AGBL1: variants seen among roughly 807,000 people sequenced by gnomAD.
AGBL1 encodes cytosolic carboxypeptidase 4.
AGBL1 carries 130 observed loss-of-function variants against 118.9 expected under a neutral mutation model. The observed-to-expected ratio is 1.09, with a 90% CI of 0.95 to 1.26. The LOEUF is 1.26. Ranked by LOEUF, AGBL1 falls within the 50% of genes most tolerant of loss-of-function variation. AGBL1 has a pLI of 0.00. For synonymous variants in AGBL1, 555 were observed against 478.9 expected (o/e 1.16, Z -2.08); for missense variants, 1,584 against 1,298.1 (o/e 1.22, Z -3.38).
chr15:86,330,331 C>T (rs1413217078), intron 17 of AGBL1, among the ~76,000 whole-genome samples: 8 of 152,144 alleles, frequency 5.3e-5, no homozygotes, highest in African/African-American at 1.4e-4. Context: ...AACCTGCCGA[C>T]AGATGTGCAT....
intron 21 of AGBL1, among the ~76,000 whole-genome samples, chr15:86,592,178 T>C (rs766727518): frequency 1.3e-4 from 20 of 152,188 alleles, no homozygotes; most frequent in Non-Finnish European, 2.5e-4. Context: ...TCTCCCATTG[T>C]AATGAGTCAT....
intron 7 of AGBL1, among the ~76,000 whole-genome samples, chr15:86,250,019 G>A (rs951360390): frequency 1.3e-5 from 2 of 152,204 alleles, no homozygotes; most frequent in African/African-American, 4.8e-5. Context: ...CACACAGAGT[G>A]TGCACTTTAT....
intron 23 of AGBL1, among the ~76,000 whole-genome samples, chr15:86,958,816 TTA>T (rs1317155063): frequency 6.6e-6 from 1 of 152,114 alleles, no homozygotes; most frequent in Non-Finnish European, 1.5e-5. Context: ...CAAATAAACT[TTA>T]TGTTTAATTC....
Position 86,247,827 on chromosome 15 carries a change from G to A in AGBL1, c.683G>A (p.Arg228Lys), listed in dbSNP as rs771574698. ...CACATTGCTGCCCTCCGGTCCGGCA[G>A]GGAGGCCTTCCTGGCAGCACAGGGC... ...LRHIAALRSG[R>K]EAFLAAQGME... The change falls in exon 7 of 23, where the codon AGG becomes AAG. Residue 228 changes from arginine (R) to lysine (K), a missense_variant. Physicochemically the swap from Arg to Lys is conservative, Grantham distance 26. Coordinates refer to ENST00000614907, the MANE Select transcript of AGBL1 (RefSeq NM_001386094.1). The A allele has an allele frequency of 9.9e-6, 16 of 1,613,872 alleles. No individual in the cohort carries two copies. In the Admixed American group the frequency reaches 2.5e-4, roughly 25 times the overall value.
intron 17 of AGBL1, among the ~76,000 whole-genome samples, chr15:86,306,015 T>C (rs563366873): frequency 5.6e-4 from 85 of 152,208 alleles, no homozygotes; most frequent in African/African-American, 2.0e-3. Flanking sequence ...TTTAATTTTT[T>C]TTATTTTTAA....
chr15:86,428,693 G>A (rs950830494), intron 18 of AGBL1, among the ~76,000 whole-genome samples: 1 of 152,188 alleles, frequency 6.6e-6, no homozygotes, highest in Non-Finnish European at 1.5e-5. Context: ...TTAATCATGA[G>A]GATGGATCAA....
At chr15:86,793,533 A>G (rs1370245711) in intron 22 of AGBL1, among the ~76,000 whole-genome samples, 1 of 152,236 alleles carries the variant, frequency 6.6e-6, no homozygotes, top group Non-Finnish European at 1.5e-5. Context: ...AACATAGGCA[A>G]AAATCTTCAT....
intron 24 of AGBL1, among the ~76,000 whole-genome samples, chr15:87,025,574 C>T (rs1448066615): frequency 6.6e-6 from 1 of 151,948 alleles, no homozygotes; most frequent in Non-Finnish European, 1.5e-5. Flanking sequence ...ACGTTACTAC[C>T]AAAAGCGATC....
At chr15:86,731,243 T>G (rs2077523796) in intron 22 of AGBL1, among the ~76,000 whole-genome samples, 1 of 152,138 alleles carries the variant, frequency 6.6e-6, no homozygotes, top group Non-Finnish European at 1.5e-5. Context: ...TGATTTTTTG[T>G]TTTTTACATT....
intron 17 of AGBL1, among the ~76,000 whole-genome samples, chr15:86,319,605 C>G (rs1441209022): frequency 6.6e-6 from 1 of 151,940 alleles, no homozygotes; most frequent in Non-Finnish European, 1.5e-5. Flanking sequence ...GGGTCTGTTT[C>G]TGTTATTTTA....
chr15:86,197,292 A>G (rs2077829359), intron 5 of AGBL1, among the ~76,000 whole-genome samples: 1 of 152,196 alleles, frequency 6.6e-6, no homozygotes, highest in African/African-American at 2.4e-5. Context: ...TGAAAAAGGA[A>G]AGAGGAGAGA....
At chr15:87,009,186 C>T (rs895415502) in intron 24 of AGBL1, among the ~76,000 whole-genome samples, 2 of 152,094 alleles carry the variant, frequency 1.3e-5, no homozygotes, top group Admixed American at 6.5e-5. Flanking sequence ...AAAATGGTTT[C>T]ATGGGCTCAG....
chr15:86,502,422 A>G (rs1159560901), intron 18 of AGBL1, among the ~76,000 whole-genome samples: 1 of 151,334 alleles, frequency 6.6e-6, no homozygotes, highest in Non-Finnish European at 1.5e-5. Context: ...GATGCTTTTA[A>G]TTTCATTTTC....
chr15:86,257,069 C>T (rs1329931899), intron 8 of AGBL1, 51 bp downstream of exon 8: 29 of 1,545,792 alleles, frequency 1.9e-5, no homozygotes, highest in Non-Finnish European at 2.5e-5. Flanking sequence ...TGCATTTTGA[C>T]CATGTTTCCC....
chr15:86,620,609 A>G (rs1347695969), intron 21 of AGBL1, among the ~76,000 whole-genome samples: 2 of 152,132 alleles, frequency 1.3e-5, no homozygotes, highest in African/African-American at 4.8e-5. Flanking sequence ...CCCAGAAATC[A>G]ATCTATCCTC....
intron 22 of AGBL1, among the ~76,000 whole-genome samples, chr15:86,692,059 G>C (rs551326269): frequency 2.1e-4 from 32 of 152,042 alleles, no homozygotes; most frequent in Middle Eastern, 3.4e-3. Flanking sequence ...TGCTGGATGA[G>C]GTAAGGGTTG....
intron 22 of AGBL1, among the ~76,000 whole-genome samples, chr15:86,679,144 TA>T (rs1156610226): frequency 6.6e-6 from 1 of 152,096 alleles, no homozygotes; most frequent in Non-Finnish European, 1.5e-5. Context: ...ACTCAGGTAA[TA>T]TTAAATTATA....
intron 22 of AGBL1, among the ~76,000 whole-genome samples, chr15:86,768,489 A>G (rs1393275794): frequency 6.6e-6 from 1 of 151,732 alleles, no homozygotes; most frequent in Non-Finnish European, 1.5e-5. Flanking sequence ...AATTCTTCAA[A>G]CATTTTGCAT....
chr15:86,404,829 G>T (rs744272), intron 18 of AGBL1, among the ~76,000 whole-genome samples: 16,067 of 152,184 alleles, frequency 0.11, 1,190 homozygotes, highest in African/African-American at 0.21. Flanking sequence ...ACCCATGAAG[G>T]CTTCTTTGTG....
Sources: gnomAD v4.1 joint callset for allele counts (sites outside exome capture counted in the v4.1 genomes callset) on GRCh38, gnomAD v4.1.1 for gene constraint, MANE v1.5 for transcripts, NCBI Gene and HGNC (gene_info 2026-07-23, HGNC 2026-07-21) for gene names.